Variants in IL36G observed in about 807,000 individuals in gnomAD.
IL36G encodes the protein interleukin 36 gamma, also known as interleukin-36 gamma.
IL36G carries 10 observed loss-of-function variants against 13.5 expected under a neutral mutation model. That is an observed-to-expected ratio of 0.74 (90% CI 0.46 to 1.26). IL36G has a LOEUF of 1.26. IL36G is among the 50% of genes most tolerant of loss of function. The pLI, the probability that IL36G is intolerant of heterozygous loss-of-function variation, is 0.00. For synonymous variants in IL36G, 84 were observed against 74.0 expected (o/e 1.13, Z -0.69); for missense variants, 199 against 203.0 (o/e 0.98, Z 0.12).
Position 112,981,150 on chromosome 2 carries a change from A to G in IL36G, c.300+1002A>G. Reference sequence around the variant, plus strand: ...GTCACCAGAAGTACACAGTTATCAAAAATGCACACACTACACTTGGCATCT... The same window carrying G: ...GTCACCAGAAGTACACAGTTATCAAGAATGCACACACTACACTTGGCATCT... On this transcript the variant is annotated intron_variant, in intron 4 of 4. Coordinates refer to ENST00000259205, the MANE Select transcript of IL36G (RefSeq NM_019618.4). The G allele has an allele frequency of 7.4e-6, 8 of 1,077,932 alleles. No homozygotes were observed. The South Asian group carries it at 8.7e-5, about 12-fold the overall frequency. 66.8% of individuals were successfully genotyped at this position (1,077,932 alleles called of 1,614,324 possible).
chr2:112,980,026 A>G lies in IL36G; in HGVS notation c.178A>G (p.Thr60Ala), dbSNP rs144889667. The G allele has an allele frequency of 7.4e-6, 12 of 1,613,502 alleles. No individual in the cohort carries two copies. In the East Asian group the frequency reaches 8.9e-5, roughly 12 times the overall value. ...CTTTACAGTCACTGTTGCTGTTATC[A>G]CATGCAAGTATCCAGAGGCTCTTGA... ...SVTPVTVAVI[T>A]CKYPEALEQG... is the part of the protein sequence containing the mutation. Residue 60 changes from threonine (T) to alanine (A), a missense_variant, in exon 4 of 5, where the codon ACA becomes GCA. By Grantham distance (58) the Thr-to-Ala change is moderately conservative. Transcript: ENST00000259205.
chr2:112,984,310 A>G (rs535633791), intron 4 of IL36G, among the ~76,000 whole-genome samples: 1 of 152,276 alleles, frequency 6.6e-6, no homozygotes, highest in East Asian at 1.9e-4. Context: ...GCATTTTTTG[A>G]TTGCTCTATT....
In IL36G at chr2:112,978,094, G is replaced by A. The variant is rs925431485; in HGVS notation, c.-20+16G>A. 1.3e-5 allele frequency: 2 copies of A among 159,002 alleles called. No individual in the cohort carries two copies. Among genetic ancestry groups the A allele is most frequent in the African/African-American group, 4.8e-5 (2 of 41,522 alleles). The allele number at this position is 159,002 out of a possible 1,614,324, so 9.8% of individuals were successfully genotyped here. On this transcript the variant is annotated intron_variant, in intron 1 of 4. Coordinates refer to ENST00000259205, the MANE Select transcript of IL36G (RefSeq NM_019618.4). ...TTCTTGCCAGGTATAGTCAATAGCT[G>A]GAAAACCTCTTCTCCCTCCCTCTGG... is the stretch of plus-strand genomic sequence containing the variant.
rs751029242 is a variant in IL36G, at chr2:112,984,896, C to T, written c.357C>T (p.Phe119=). The T allele has an allele frequency of 2.5e-6, 4 of 1,614,190 alleles. No homozygotes were observed. In the South Asian group the frequency reaches 4.4e-5, roughly 18 times the overall value. ...GQPEPVKPFL[F]YRAKTGRTST... is the part of the protein sequence containing the mutation. Reference sequence around the variant, plus strand: ...CCGAGCCCGTGAAACCCTTCCTTTTCTACCGTGCCAAGACTGGTAGGACCT... The same window carrying T: ...CCGAGCCCGTGAAACCCTTCCTTTTTTACCGTGCCAAGACTGGTAGGACCT... Residue 119 remains phenylalanine, a synonymous_variant, in exon 5 of 5, where the codon TTC becomes TTT. Transcript: ENST00000259205.
intron 2 of IL36G, 95 bp downstream of exon 2, chr2:112,978,788 C>G: frequency 8.2e-7 from 1 of 1,217,666 alleles, no homozygotes; most frequent in Non-Finnish European, 1.2e-6. Flanking sequence ...CTGCTCCTCT[C>G]TGTACACTGC....
rs114713275 is a variant in IL36G at position 112,981,379 on chromosome 2, G to A, written c.300+1231G>A. The A allele has an allele frequency of 1.9e-3, 1,406 of 737,944 alleles. 21 individuals carry two copies. The African/African-American group carries it at 0.021, about 11-fold the overall frequency. The allele number at this position is 737,944 out of a possible 1,614,324, so 45.7% of individuals were successfully genotyped here. ...ACTTTGCGGGCCTTCTCTGTGGTTC[G>A]TCCTTCACCTTGGCTTATCTCCTTC... On this transcript the variant is annotated intron_variant, in intron 4 of 4. Coordinates refer to ENST00000259205, the MANE Select transcript of IL36G (RefSeq NM_019618.4).
At chr2:112,983,190 C>T (rs967124399) in intron 4 of IL36G, among the ~76,000 whole-genome samples, 2 of 152,048 alleles carry the variant, frequency 1.3e-5, no homozygotes, top group African/African-American at 4.8e-5. Flanking sequence ...CTTCTAATTA[C>T]TTCAATTTTC....
rs866052939 is a variant in IL36G at position 112,985,417 on chromosome 2, A to G, written c.*368A>G. On this transcript the variant is annotated 3_prime_UTR_variant, in exon 5 of 5. Coordinates refer to ENST00000259205, the MANE Select transcript of IL36G (RefSeq NM_019618.4). Reference sequence around the variant, plus strand: ...TTACCCACGATGGCATGACTAGCACAGAGCTGATCTCTGTTTCTGTTTTGC... The same window carrying G: ...TTACCCACGATGGCATGACTAGCACGGAGCTGATCTCTGTTTCTGTTTTGC... 2.8e-5 allele frequency: 6 copies of G among 212,306 alleles called. No individual in the cohort carries two copies. Among genetic ancestry groups the G allele is most frequent in the Admixed American group, 1.0e-4 (2 of 19,244 alleles). The allele number at this position is 212,306 out of a possible 1,614,324, so 13.2% of individuals were successfully genotyped here.
At chr2:112,981,479 C>A in intron 4 of IL36G, 1 of 596,180 alleles carries the variant, frequency 1.7e-6, no homozygotes, top group Non-Finnish European at 3.0e-6. Flanking sequence ...ATGCAGGATG[C>A]AGCATTGTGC....
intron 4 of IL36G, among the ~76,000 whole-genome samples, chr2:112,983,800 C>G (rs901978417): frequency 6.6e-6 from 1 of 152,090 alleles, no homozygotes; most frequent in African/African-American, 2.4e-5. Flanking sequence ...TTATTTACTT[C>G]AGTTTAAAGT....
intron 1 of IL36G, 73 bp from the exon 2 acceptor site, chr2:112,978,547 C>T (rs961673095): frequency 4.3e-6 from 5 of 1,173,872 alleles, no homozygotes; most frequent in Non-Finnish European, 6.4e-6. Context: ...GAATGAGGGC[C>T]TGTGGAGCTA....
At position 112,985,346 on chromosome 2, in the gene IL36G, C is replaced by A. The variant is rs1185442845; in HGVS notation, c.*297C>A. 3 of 347,488 alleles carry A rather than the reference C, an allele frequency of 8.6e-6. No individual in the cohort carries two copies. Among genetic ancestry groups the A allele is most frequent in the African/African-American group, 4.1e-5 (2 of 48,278 alleles). 21.5% of individuals were successfully genotyped at this position (347,488 alleles called of 1,614,324 possible). ...TAAGACTCAAAGACCAAACACTGAG[C>A]TTTCTTCTAGGGGTGGGTATGAAGA... On this transcript the variant is annotated 3_prime_UTR_variant, in exon 5 of 5. Coordinates refer to ENST00000259205, the MANE Select transcript of IL36G (RefSeq NM_019618.4).
intron 3 of IL36G, 124 bp from the exon 4 acceptor site, chr2:112,979,885 G>T: frequency 2.3e-6 from 2 of 855,152 alleles, no homozygotes; most frequent in Non-Finnish European, 3.6e-6. Flanking sequence ...CATTTGGTGG[G>T]TCTAGTTGGG....
At chr2:112,982,970 T>C (rs758587203) in intron 4 of IL36G, among the ~76,000 whole-genome samples, 1 of 151,976 alleles carries the variant, frequency 6.6e-6, no homozygotes, top group Non-Finnish European at 1.5e-5. Flanking sequence ...TTTAAGATGG[T>C]AGAAATGACA....
rs772736974 is a variant in IL36G at position 112,979,196 on chromosome 2, AT to A, written c.56-18del. The A allele has an allele frequency of 3.1e-5, 44 of 1,434,464 alleles. No individual in the cohort carries two copies. The Admixed American group carries it at 7.0e-4, about 23-fold the overall frequency. The allele number at this position is 1,434,464 out of a possible 1,614,324, so 88.9% of individuals were successfully genotyped here. A position where few individuals can be genotyped will look rare whatever the true frequency, so the allele number is the denominator to read the frequency against. On this transcript the variant is annotated intron_variant, in intron 2 of 4. Transcript: ENST00000259205. Reference sequence around the variant, plus strand: ...GCAGCCTTGATTATAATATTTCTTCATTTTTTTCTCTATCCCAAAATCAGTG... The same window carrying A: ...GCAGCCTTGATTATAATATTTCTTCATTTTTTCTCTATCCCAAAATCAGTG...
intron 3 of IL36G, 72 bp downstream of exon 3, chr2:112,979,397 A>C: frequency 1.1e-6 from 1 of 896,014 alleles, no homozygotes; most frequent in Non-Finnish European, 1.8e-6. Flanking sequence ...AGCCTTTTGT[A>C]AAAGTGTGAC....
At position 112,980,127 on chromosome 2, in the gene IL36G, A is replaced by G. The variant is rs1266764812; in HGVS notation, c.279A>G (p.Glu93=). Residue 93 remains glutamate, a synonymous_variant, in exon 4 of 5, where the codon GAA becomes GAG. Transcript: ENST00000259205. The stretch of plus-strand genomic sequence containing the variant: ...GTTTGTATTGTGAGAAGGTTGGAGA[A>G]CAGCCCACATTGCAGCTAAAAGTGA... ...EMCLYCEKVG[E]QPTLQLKEQK... 1 of 1,614,128 alleles carries G rather than the reference A, an allele frequency of 6.2e-7. No homozygotes were observed. The highest frequency in any genetic ancestry group is 1.7e-5 in the Admixed American group (1 of 60,014).
chr2:112,979,836 T>TATGA (rs3075080), intron 3 of IL36G, among the ~76,000 whole-genome samples, 173 bp from the exon 4 acceptor site: 99 of 151,536 alleles, frequency 6.5e-4, no homozygotes, highest in East Asian at 5.1e-3. Flanking sequence ...TGGCACATGG[T>TATGA]ATGAATGAAT....
intron 4 of IL36G, chr2:112,981,238 C>T (rs1268534608): frequency 3.6e-6 from 5 of 1,392,768 alleles, no homozygotes; most frequent in Non-Finnish European, 5.1e-6. Flanking sequence ...CAGAGTTATT[C>T]CCCTCCTTGC....
Sources: gnomAD v4.1 joint callset for allele counts (sites outside exome capture counted in the v4.1 genomes callset) on GRCh38, gnomAD v4.1.1 for gene constraint, MANE v1.5 for transcripts, NCBI Gene and HGNC (gene_info 2026-07-23, HGNC 2026-07-21) for gene names.